The following SUGCT variants were observed in gnomAD, a reference collection of about 807,000 sequenced individuals.
SUGCT encodes succinyl-CoA:glutarate CoA-transferase.
SUGCT carries 41 observed loss-of-function variants against 55.0 expected under a neutral mutation model. The ratio of observed to expected loss-of-function variants is 0.74; its 90% CI spans 0.58 to 0.97. The LOEUF is 0.97. Ranked by LOEUF, SUGCT falls within the 50% of genes least tolerant of loss-of-function variation. The pLI, the probability that SUGCT is intolerant of heterozygous loss-of-function variation, is 0.00. For missense variants in SUGCT, 568 were observed against 547.8 expected, an observed-to-expected ratio of 1.04 and a Z score of -0.37; for synonymous variants, 187 against 200.4, an observed-to-expected ratio of 0.93 and a Z score of 0.56.
intron 12 of SUGCT, among the ~76,000 whole-genome samples, chr7:40,693,237 C>A (rs1447011088): frequency 6.6e-6 from 1 of 152,164 alleles, no homozygotes; most frequent in African/African-American, 2.4e-5. Flanking sequence ...CTGGCTCTAC[C>A]ACTTATGAGC....
chr7:40,681,213 T>C (rs1439177075), intron 12 of SUGCT, among the ~76,000 whole-genome samples: 1 of 152,100 alleles, frequency 6.6e-6, no homozygotes, highest in Non-Finnish European at 1.5e-5. Flanking sequence ...CAGTTTAGAA[T>C]GAGTTTGGTT....
rs915799973 is a variant in SUGCT at position 40,726,131 on chromosome 7, G to A, written c.1090-23303G>A. 2.0e-5 allele frequency among the ~76,000 whole-genome samples: 3 copies of A among 152,112 alleles called. No homozygotes were observed. The East Asian group carries it at 5.8e-4, about 29-fold the overall frequency. On this transcript the variant is annotated intron_variant, in intron 12 of 13. Transcript: ENST00000335693. Reference sequence around the variant, plus strand: ...TAACTCTTGAACAATGCAGGGATTAGGTTCCTACGCAGGAACGGTGTCAGG... The same window carrying A: ...TAACTCTTGAACAATGCAGGGATTAAGTTCCTACGCAGGAACGGTGTCAGG...
downstream of SUGCT, among the ~76,000 whole-genome samples, chr7:40,861,791 T>C (rs187190141): frequency 5.6e-4 from 85 of 152,362 alleles, no homozygotes; most frequent in East Asian, 0.015. Context: ...GAAACAGTTA[T>C]TGTCTTCTCT....
chr7:40,509,687 ACTT>A (rs1792817296), intron 12 of SUGCT, among the ~76,000 whole-genome samples: 1 of 151,906 alleles, frequency 6.6e-6, no homozygotes, highest in South Asian at 2.1e-4. Context: ...TTCAGGGCTC[ACTT>A]CTTTGTTTGT....
intron 9 of SUGCT, among the ~76,000 whole-genome samples, chr7:40,336,900 C>T (rs967709167): frequency 1.3e-5 from 2 of 151,776 alleles, no homozygotes; most frequent in African/African-American, 4.9e-5. Context: ...CTATAAATTT[C>T]CCTCTACACA....
chr7:40,463,918 C>T (rs55772111), intron 11 of SUGCT, among the ~76,000 whole-genome samples: 6 of 152,232 alleles, frequency 3.9e-5, no homozygotes, highest in African/African-American at 7.2e-5. Context: ...ACTAATCCAG[C>T]GCCAGATAAA....
At chr7:40,579,793 A>C (rs1032914116) in intron 12 of SUGCT, among the ~76,000 whole-genome samples, 13 of 152,168 alleles carry the variant, frequency 8.5e-5, no homozygotes, top group African/African-American at 3.1e-4. Flanking sequence ...ACCTTAGCTG[A>C]CATACCCAAT....
rs112830740 is a variant in SUGCT at position 40,843,500 on chromosome 7, C to T, written c.1154-16816C>T. Among the ~76,000 whole-genome samples, 666 of 68,300 alleles carry T rather than the reference C, an allele frequency of 9.8e-3. 9 individuals carry two copies. Among genetic ancestry groups the T allele is most frequent in the African/African-American group, 0.028 (641 of 23,186 alleles). The allele number at this position is 68,300 out of a possible 152,430, so 44.8% of individuals were successfully genotyped here. A position where few individuals can be genotyped will look rare whatever the true frequency, so the allele number is the denominator to read the frequency against. Reference sequence around the variant, plus strand: ...ACTCCAGCCTAGCAACAGAGAGAGACTCTGTCTCAAAAAAAAAAAGTTGAA... The same window carrying T: ...ACTCCAGCCTAGCAACAGAGAGAGATTCTGTCTCAAAAAAAAAAAGTTGAA... On this transcript the variant is annotated intron_variant, in intron 13 of 13. Coordinates refer to ENST00000335693, the MANE Select transcript of SUGCT (RefSeq NM_001193313.2).
rs1377845155 is a variant in SUGCT at position 40,333,719 on chromosome 7, C to T, written c.816+16864C>T. ...TATATATATAAATATTTATAAAATA[C>T]ACACATATATATAATTTAGTGACAG... On this transcript the variant is annotated intron_variant, in intron 9 of 13. Transcript: ENST00000335693. 5.6e-5 allele frequency among the ~76,000 whole-genome samples: 6 copies of T among 107,194 alleles called. No homozygotes were observed. The Admixed American group carries it at 6.4e-4, about 11-fold the overall frequency. 70.3% of individuals were successfully genotyped at this position (107,194 alleles called of 152,430 possible).
chr7:40,723,451 G>T (rs940069407), intron 12 of SUGCT, among the ~76,000 whole-genome samples: 1 of 151,584 alleles, frequency 6.6e-6, no homozygotes, highest in Admixed American at 6.6e-5. Flanking sequence ...TCTTTTTTGC[G>T]TCTATTTCCA....
chr7:40,737,797 G>A (rs572073410), intron 12 of SUGCT, among the ~76,000 whole-genome samples: 17 of 152,188 alleles, frequency 1.1e-4, no homozygotes, highest in African/African-American at 1.9e-4. Context: ...GGTGGCGGGC[G>A]CCTGTAATCC....
chr7:40,323,181 G>GT (rs1399449894), intron 9 of SUGCT, among the ~76,000 whole-genome samples: 1 of 151,690 alleles, frequency 6.6e-6, no homozygotes, highest in Non-Finnish European at 1.5e-5. Flanking sequence ...CCACATAGAG[G>GT]ACCCTTGCAA....
At chr7:40,601,617 A>T (rs951342621) in intron 12 of SUGCT, among the ~76,000 whole-genome samples, 2 of 152,204 alleles carry the variant, frequency 1.3e-5, no homozygotes, top group Non-Finnish European at 2.9e-5. Context: ...GCAGCTCTGC[A>T]TGAGAAAGCC....
chr7:40,812,101 A>G (rs1316312101), intron 13 of SUGCT, among the ~76,000 whole-genome samples: 1 of 152,162 alleles, frequency 6.6e-6, no homozygotes. Flanking sequence ...CATCCTAGCA[A>G]TGAAGCCTAC....
chr7:40,575,732 G>C (rs1234515275), intron 12 of SUGCT, among the ~76,000 whole-genome samples: 1 of 151,830 alleles, frequency 6.6e-6, no homozygotes, highest in Non-Finnish European at 1.5e-5. Flanking sequence ...AATCACCTGA[G>C]GTCAGGAGTT....
intron 12 of SUGCT, among the ~76,000 whole-genome samples, chr7:40,588,242 T>A (rs1050545004): frequency 6.6e-6 from 1 of 151,938 alleles, no homozygotes; most frequent in Admixed American, 6.6e-5. Context: ...TTTTTTTTTT[T>A]AATTATACTT....
chr7:40,248,783 T>C (rs1432816764), intron 7 of SUGCT, among the ~76,000 whole-genome samples: 3 of 152,154 alleles, frequency 2.0e-5, no homozygotes, highest in Non-Finnish European at 2.9e-5. Flanking sequence ...AACCATTTTA[T>C]ACTCCTGTCA....
intron 8 of SUGCT, among the ~76,000 whole-genome samples, chr7:40,307,824 C>T (rs1794919736): frequency 6.6e-6 from 1 of 152,044 alleles, no homozygotes; most frequent in Admixed American, 6.6e-5. Context: ...AACTGTTCAC[C>T]TTATGGTGTG....
intron 13 of SUGCT, among the ~76,000 whole-genome samples, chr7:40,801,417 A>G (rs1790809402): frequency 6.6e-6 from 1 of 152,168 alleles, no homozygotes; most frequent in Admixed American, 6.5e-5. Flanking sequence ...GGTTATTTCA[A>G]AAAGGATAGA....
Sources: allele counts gnomAD v4.1 joint callset (sites outside exome capture counted in the v4.1 genomes callset), GRCh38; gene constraint gnomAD v4.1.1; transcripts MANE v1.5; gene names NCBI Gene and HGNC (gene_info 2026-07-23, HGNC 2026-07-21).